Variants in SLC4A4 observed in about 807,000 individuals in gnomAD.
SLC4A4 encodes the protein electrogenic sodium bicarbonate cotransporter 1.
A neutral mutation model predicts 111.5 loss-of-function variants in SLC4A4; 27 were observed. The observed-to-expected ratio is 0.24, with a 90% CI of 0.18 to 0.33. The LOEUF is 0.33. Among genes scored for constraint, SLC4A4 ranks in the 10% least tolerant of loss-of-function variants. The pLI is 1.00. For missense variants in SLC4A4, 909 were observed against 1,315.5 expected, an observed-to-expected ratio of 0.69 and a Z score of 4.78; for synonymous variants, 443 against 463.4, an observed-to-expected ratio of 0.96 and a Z score of 0.57.
At position 71,418,488 on chromosome 4, in the gene SLC4A4, G is replaced by A. The variant is rs561046488; in HGVS notation, c.807+20835G>A. Among the ~76,000 whole-genome samples the A allele has an allele frequency of 8.5e-5, 13 of 152,204 alleles. 1 individual carries two copies. In the South Asian group the frequency reaches 1.2e-3, roughly 15 times the overall value. ...CTCTGCATCATAACTATTAAGTTCC[G>A]AAAACATTAAAAGTGATTGTCTAAA... On this transcript the variant is annotated intron_variant, in intron 7 of 25. Transcript: ENST00000264485.
chr4:71,567,072 C>G lies in SLC4A4; in HGVS notation c.*25C>G. The G allele has an allele frequency of 1.2e-6, 2 of 1,608,896 alleles. No individual in the cohort carries two copies. The highest frequency in any genetic ancestry group is 1.7e-6 in the Non-Finnish European group (2 of 1,176,670). ...ATAAAATTCCTTTCCTTCAGTCACT[C>G]GGTATGCCAAGGTAAAGGAGAGCCC... On this transcript the variant is annotated 3_prime_UTR_variant, in exon 25 of 26. Coordinates refer to ENST00000264485, the MANE Select transcript of SLC4A4 (RefSeq NM_001098484.3).
chr4:71,284,957 T>G (rs1043685554), intron 3 of SLC4A4, among the ~76,000 whole-genome samples: 2 of 152,192 alleles, frequency 1.3e-5, no homozygotes, highest in African/African-American at 4.8e-5. Context: ...AGGCCGTTAT[T>G]TAGTCATGGA....
chr4:71,327,495 G>T (rs1392236612), intron 3 of SLC4A4, among the ~76,000 whole-genome samples: 1 of 151,854 alleles, frequency 6.6e-6, no homozygotes, highest in East Asian at 1.9e-4. Flanking sequence ...CATTTTCCCT[G>T]TCTATAAGAG....
At chr4:71,286,642 T>C (rs1723941081) in intron 3 of SLC4A4, among the ~76,000 whole-genome samples, 1 of 152,248 alleles carries the variant, frequency 6.6e-6, no homozygotes, top group Non-Finnish European at 1.5e-5. Flanking sequence ...TGTGTATAGC[T>C]ATACCATTAA....
intron 20 of SLC4A4, among the ~76,000 whole-genome samples, chr4:71,549,952 G>C (rs1735844368): frequency 6.6e-6 from 1 of 151,880 alleles, no homozygotes; most frequent in Non-Finnish European, 1.5e-5. Flanking sequence ...AAGGCAGAGA[G>C]CTGTAAGAGA....
chr4:71,487,359 T>TA (rs1729505557), intron 15 of SLC4A4, among the ~76,000 whole-genome samples: 1 of 151,680 alleles, frequency 6.6e-6, no homozygotes. Context: ...GAGAGCACAG[T>TA]ATCCTCTCTC....
chr4:71,417,643 G>A (rs989689045), intron 7 of SLC4A4, among the ~76,000 whole-genome samples: 1 of 151,970 alleles, frequency 6.6e-6, no homozygotes, highest in East Asian at 1.9e-4. Flanking sequence ...TCCTTTCCTT[G>A]TCTCTGTCCC....
chr4:71,121,654 A>G (rs1407956925), intron 2 of SLC4A4, among the ~76,000 whole-genome samples: 1 of 152,184 alleles, frequency 6.6e-6, no homozygotes, highest in Admixed American at 6.5e-5. Flanking sequence ...AAATGCACCA[A>G]TCAGCACCCT....
intron 2 of SLC4A4, 147 bp downstream of exon 2, chr4:71,236,796 A>G: frequency 2.8e-6 from 2 of 713,880 alleles, no homozygotes; most frequent in Non-Finnish European, 2.4e-6. Flanking sequence ...CATTTGCTTC[A>G]ACACAGAAAG....
At position 71,374,387 on chromosome 4, in the gene SLC4A4, A is replaced by G. The variant is rs368553819; in HGVS notation, c.730+17200A>G. 1.7e-4 allele frequency among the ~76,000 whole-genome samples: 26 copies of G among 152,328 alleles called. 1 individual carries two copies. In the South Asian group the frequency reaches 5.0e-3, roughly 29 times the overall value. On this transcript the variant is annotated intron_variant, in intron 6 of 25. Transcript: ENST00000264485. ...GCTTTTCATAGTCACAATTTTCAAA[A>G]GATTGTAAGAAATAAAATCTTTCAG...
At chr4:71,155,574 C>T (rs946256641) in intron 2 of SLC4A4, among the ~76,000 whole-genome samples, 3 of 152,046 alleles carry the variant, frequency 2.0e-5, no homozygotes, top group African/African-American at 7.2e-5. Context: ...GCGCTTCTCC[C>T]CCCACAGCTT....
At chr4:71,086,471 G>A (rs984358200) in intron 1 of SLC4A4, among the ~76,000 whole-genome samples, 2 of 151,928 alleles carry the variant, frequency 1.3e-5, no homozygotes, top group African/African-American at 4.8e-5. Flanking sequence ...GAGGTCATCC[G>A]TGTCTTGTGC....
At chr4:71,131,205 A>G (rs1743691367) in intron 2 of SLC4A4, among the ~76,000 whole-genome samples, 1 of 152,182 alleles carries the variant, frequency 6.6e-6, no homozygotes, top group Admixed American at 6.6e-5. Context: ...GTAGAAAGAA[A>G]AATTGACAGA....
chr4:71,229,306 G>A (rs922148718), intron 1 of SLC4A4, among the ~76,000 whole-genome samples: 1 of 152,162 alleles, frequency 6.6e-6, no homozygotes, highest in Non-Finnish European at 1.5e-5. Flanking sequence ...CTCTCCTGTT[G>A]AAAGACATGT....
chr4:71,495,657 A>G (rs1216833988), intron 15 of SLC4A4, among the ~76,000 whole-genome samples: 2 of 152,142 alleles, frequency 1.3e-5, no homozygotes, highest in Non-Finnish European at 2.9e-5. Context: ...TTTTATGACT[A>G]TATTACTCAT....
chr4:71,180,745 G>C (rs992195045), intron 2 of SLC4A4, among the ~76,000 whole-genome samples: 1 of 152,208 alleles, frequency 6.6e-6, no homozygotes, highest in African/African-American at 2.4e-5. Flanking sequence ...CTTTTACACT[G>C]TTGGTGGGAC....
chr4:71,472,600 T>G, intron 13 of SLC4A4, 99 bp from the exon 14 acceptor site: 1 of 1,251,712 alleles, frequency 8.0e-7, no homozygotes, highest in Non-Finnish European at 1.2e-6. Context: ...AAGGTGATCT[T>G]GTATTTTTGT....
intron 1 of SLC4A4, among the ~76,000 whole-genome samples, chr4:71,226,053 C>G (rs1420234343): frequency 6.6e-6 from 1 of 152,220 alleles, no homozygotes; most frequent in African/African-American, 2.4e-5. Flanking sequence ...TACCTAAACA[C>G]ATTACAGAGT....
intron 6 of SLC4A4, among the ~76,000 whole-genome samples, chr4:71,377,721 T>C (rs1732538024): frequency 6.6e-6 from 1 of 152,176 alleles, no homozygotes; most frequent in African/African-American, 2.4e-5. Context: ...ACAGTCACCG[T>C]AGCAGTAAGC....
Sources: gnomAD v4.1 joint callset for allele counts (sites outside exome capture counted in the v4.1 genomes callset) on GRCh38, gnomAD v4.1.1 for gene constraint, MANE v1.5 for transcripts, NCBI Gene and HGNC (gene_info 2026-07-23, HGNC 2026-07-21) for gene names.